Variants in PHYHIPL observed in about 807,000 individuals in gnomAD.
PHYHIPL encodes the protein phytanoyl-CoA 2-hydroxylase interacting protein like.
A neutral mutation model predicts 33.4 loss-of-function variants in PHYHIPL; 9 were observed. The ratio of observed to expected loss-of-function variants is 0.27; its 90% CI spans 0.16 to 0.47. PHYHIPL has a LOEUF of 0.47. Among genes scored for constraint, PHYHIPL ranks in the 20% least tolerant of loss-of-function variants. The pLI is 0.99. For missense variants in PHYHIPL, 365 were observed against 460.7 expected (o/e 0.79, Z 1.90); for synonymous variants, 153 against 154.1 (o/e 0.99, Z 0.05).
intron 1 of PHYHIPL, among the ~76,000 whole-genome samples, chr10:59,228,278 A>C (rs1424739412): frequency 6.6e-6 from 1 of 152,186 alleles, no homozygotes; most frequent in African/African-American, 2.4e-5. Flanking sequence ...ATGATAAATT[A>C]TTAAATAAAA....
chr10:59,244,483 G>A (rs1426630239), intron 4 of PHYHIPL, among the ~76,000 whole-genome samples: 2 of 145,066 alleles, frequency 1.4e-5, no homozygotes, highest in East Asian at 4.2e-4. Context: ...AGAATTGCTT[G>A]AACCTGGGAG....
At chr10:59,193,514 A>G (rs1838833968) in intron 1 of PHYHIPL, among the ~76,000 whole-genome samples, 1 of 152,178 alleles carries the variant, frequency 6.6e-6, no homozygotes, top group Non-Finnish European at 1.5e-5. Flanking sequence ...AAGGCTTTCA[A>G]ATTGAACACA....
At chr10:59,229,175 A>C (rs1052344226) in intron 1 of PHYHIPL, among the ~76,000 whole-genome samples, 1 of 152,190 alleles carries the variant, frequency 6.6e-6, no homozygotes, top group African/African-American at 2.4e-5. Flanking sequence ...TTACTGATTT[A>C]TCTTTCATAG....
At chr10:59,186,178 C>A (rs1589258522) in intron 1 of PHYHIPL, among the ~76,000 whole-genome samples, 5 of 152,010 alleles carry the variant, frequency 3.3e-5, no homozygotes, top group Admixed American at 1.3e-4. Context: ...TCAGCTTTCT[C>A]CATATGGCTA....
chr10:59,177,213 C>A, intron 1 of PHYHIPL: 1 of 586,304 alleles, frequency 1.7e-6, no homozygotes, highest in Non-Finnish European at 2.9e-6. Flanking sequence ...CCTTCGCCCG[C>A]CTGGCCCGGA....
intron 4 of PHYHIPL, 49 bp from the exon 5 acceptor site, chr10:59,245,008 G>T: frequency 1.3e-6 from 2 of 1,531,254 alleles, no homozygotes; most frequent in East Asian, 2.3e-5. Flanking sequence ...ATAAATCAGT[G>T]GGTTTACCAC....
chr10:59,198,817 G>A (rs1188277196), intron 1 of PHYHIPL, among the ~76,000 whole-genome samples: 15 of 152,220 alleles, frequency 9.9e-5, no homozygotes, highest in Non-Finnish European at 1.6e-4. Flanking sequence ...GATGATGAGA[G>A]TTTTTTCATG....
At chr10:59,234,738 A>G (rs950330038) in intron 2 of PHYHIPL, among the ~76,000 whole-genome samples, 4 of 151,874 alleles carry the variant, frequency 2.6e-5, no homozygotes, top group African/African-American at 9.7e-5. Flanking sequence ...CATGACTATC[A>G]TCTAGATGTA....
At chr10:59,188,138 T>C (rs1838669879) in intron 1 of PHYHIPL, among the ~76,000 whole-genome samples, 2 of 152,202 alleles carry the variant, frequency 1.3e-5, no homozygotes, top group Admixed American at 1.3e-4. Flanking sequence ...ATGCTTTGAA[T>C]GTGTCCCAGA....
At chr10:59,241,350 A>C (rs1289168024) in intron 4 of PHYHIPL, among the ~76,000 whole-genome samples, 1 of 152,160 alleles carries the variant, frequency 6.6e-6, no homozygotes, top group Non-Finnish European at 1.5e-5. Flanking sequence ...TACTCAGTCC[A>C]TAAGAAATCA....
chr10:59,182,007 T>C (rs970985126), intron 1 of PHYHIPL, among the ~76,000 whole-genome samples: 2 of 152,216 alleles, frequency 1.3e-5, no homozygotes, highest in East Asian at 1.9e-4. Context: ...TCTACTGATA[T>C]TTCTTCCTAA....
At chr10:59,200,118 C>T (rs771348812) in intron 1 of PHYHIPL, among the ~76,000 whole-genome samples, 184 of 152,240 alleles carry the variant, frequency 1.2e-3, no homozygotes, top group Non-Finnish European at 1.7e-3. Context: ...TGAGAGAGGG[C>T]ATCCCTGTCT....
Position 59,245,640 on chromosome 10 carries a change from A to G in PHYHIPL, c.*49A>G, listed in dbSNP as rs750195610. 1 of 1,518,520 alleles carries G rather than the reference A, an allele frequency of 6.6e-7. No individual in the cohort carries two copies. Among genetic ancestry groups the G allele is most frequent in the Non-Finnish European group, 8.8e-7 (1 of 1,132,832 alleles). The allele number at this position is 1,518,520 out of a possible 1,614,324, so 94.1% of individuals were successfully genotyped here. On this transcript the variant is annotated 3_prime_UTR_variant, in exon 5 of 5. Coordinates refer to ENST00000373880, the MANE Select transcript of PHYHIPL (RefSeq NM_032439.4). ...CAGCCCCTTTTCCTCCCTTAGGAGC[A>G]TTGGTCCTCTGTTGTCCATTTTTAT...
chr10:59,222,878 A>G (rs949569948), intron 1 of PHYHIPL, among the ~76,000 whole-genome samples: 1 of 152,184 alleles, frequency 6.6e-6, no homozygotes, highest in Non-Finnish European at 1.5e-5. Flanking sequence ...TTTATTGTCT[A>G]CTACATGCCA....
rs1241149690 is a variant in PHYHIPL, at chr10:59,187,997, G to A, written c.106+11038G>A. Among the ~76,000 whole-genome samples, 6 of 149,600 alleles carry A rather than the reference G, an allele frequency of 4.0e-5. 1 individual carries two copies. In the Admixed American group the frequency reaches 4.0e-4, roughly 10 times the overall value. On this transcript the variant is annotated intron_variant, in intron 1 of 4. Coordinates refer to ENST00000373880, the MANE Select transcript of PHYHIPL (RefSeq NM_032439.4). ...CTGCTCTGATCTTAGTTATTTCTTG[G>A]CTTCTGCTAGCTTTTGAATGTGTTT...
chr10:59,180,746 A>C (rs1838394519), intron 1 of PHYHIPL, among the ~76,000 whole-genome samples: 1 of 152,152 alleles, frequency 6.6e-6, no homozygotes, highest in Non-Finnish European at 1.5e-5. Flanking sequence ...GAGTTTATCA[A>C]ATTTATTTAA....
At chr10:59,198,829 GTCTGTTGGCTGCATAAATGCC>G (rs1193468607) in intron 1 of PHYHIPL, among the ~76,000 whole-genome samples, 8 of 152,170 alleles carry the variant, frequency 5.3e-5, no homozygotes, top group Middle Eastern at 3.2e-3. Context: ...TTTTTCATGT[GTCTGTTGGCTGCATAAATGCC>G]TTCTTTTGAG....
At chr10:59,183,335 A>T (rs931357284) in intron 1 of PHYHIPL, among the ~76,000 whole-genome samples, 2 of 152,322 alleles carry the variant, frequency 1.3e-5, no homozygotes, top group Middle Eastern at 3.4e-3. Flanking sequence ...AGCAAAAAGA[A>T]TTTTTGAGTT....
chr10:59,187,951 G>T (rs554926388), intron 1 of PHYHIPL, among the ~76,000 whole-genome samples: 7 of 152,022 alleles, frequency 4.6e-5, no homozygotes, highest in Non-Finnish European at 8.8e-5. Flanking sequence ...AGGGTTTTTT[G>T]TGTCTCTATC....
Sources: allele counts gnomAD v4.1 joint callset (sites outside exome capture counted in the v4.1 genomes callset), GRCh38; gene constraint gnomAD v4.1.1; transcripts MANE v1.5; gene names NCBI Gene and HGNC (gene_info 2026-07-23, HGNC 2026-07-21).